Variants in PRMT7 observed in about 807,000 individuals in gnomAD.
PRMT7 encodes protein arginine methyltransferase 7, also known as protein arginine N-methyltransferase 7.
Under a neutral mutation model 85.4 loss-of-function variants are expected in PRMT7, and 75 were observed. That is an observed-to-expected ratio of 0.88 (90% CI 0.73 to 1.06). PRMT7 has a LOEUF of 1.06. Among genes scored for constraint, PRMT7 ranks in the 50% least tolerant of loss-of-function variants. The pLI is 0.00. For missense variants in PRMT7, 868 were observed against 915.2 expected (o/e 0.95, Z 0.67); for synonymous variants, 397 against 359.5 (o/e 1.10, Z -1.18).
At chr16:68,347,528 C>T in intron 12 of PRMT7, 103 bp from the exon 13 acceptor site, 1 of 1,302,848 alleles carries the variant, frequency 7.7e-7, no homozygotes, top group Middle Eastern at 1.8e-4. Flanking sequence ...GAGGGTTGTT[C>T]AGGTGTGTCC....
intron 7 of PRMT7, among the ~76,000 whole-genome samples, chr16:68,337,986 G>A (rs1173508043): frequency 6.6e-6 from 1 of 152,182 alleles, no homozygotes; most frequent in African/African-American, 2.4e-5. Context: ...TGGGAGGCAG[G>A]AGAGATGGGC....
At chr16:68,313,799 C>G (rs562874018) in intron 2 of PRMT7, among the ~76,000 whole-genome samples, 1 of 152,248 alleles carries the variant, frequency 6.6e-6, no homozygotes, top group South Asian at 2.1e-4. Context: ...AGCTGGGTGC[C>G]GTGGTGCATG....
Position 68,356,756 on chromosome 16 carries a change from T to C in PRMT7, c.1867T>C (p.Cys623Arg), listed in dbSNP as rs777140545. 6.2e-7 allele frequency: 1 copy of C among 1,611,106 alleles called. No individual in the cohort carries two copies. Among genetic ancestry groups the C allele is most frequent in the South Asian group, 1.1e-5 (1 of 90,860 alleles). ...LWMEYHLTPE[C>R]TLSTGLLEPA... is the part of the protein sequence containing the mutation. The stretch of plus-strand genomic sequence containing the variant: ...GATGGAGTACCACCTGACCCCGGAG[T>C]GCACGCTCAGCACTGGCCTCCTGGA... Residue 623 changes from cysteine (C) to arginine (R), a missense_variant, in exon 18 of 19, where the codon TGC (cysteine) becomes CGC (arginine). Cys to Arg is a radical substitution (Grantham distance 180). Transcript: ENST00000441236.
rs2086726894 is a variant in PRMT7, at chr16:68,348,405, A to G, written c.1387A>G (p.Thr463Ala). ...NIIEKRPELL[T>A]NEDLQGRKVS... The stretch of plus-strand genomic sequence containing the variant: ...CATAGAGAAACGGCCGGAATTATTA[A>G]CAAATGAGGACCTACAGGGCAGAAA... The change falls in exon 14 of 19, where the codon ACA becomes GCA. Residue 463 changes from threonine to alanine, a missense_variant. Transcript: ENST00000441236. The G allele has an allele frequency of 1.9e-6, 3 of 1,612,454 alleles. No homozygotes were observed. The Admixed American group carries it at 5.0e-5, about 27-fold the overall frequency.
At chr16:68,319,886 A>G (rs918639693) in intron 3 of PRMT7, among the ~76,000 whole-genome samples, 1 of 152,172 alleles carries the variant, frequency 6.6e-6, no homozygotes, top group Non-Finnish European at 1.5e-5. Flanking sequence ...CTGGGTGCTC[A>G]TCCCGACCCC....
At position 68,339,438 on chromosome 16, in the gene PRMT7, G is replaced by A. The variant is rs752753983; in HGVS notation, c.621G>A (p.Glu207=). 1.6e-5 allele frequency: 26 copies of A among 1,614,212 alleles called. No individual in the cohort carries two copies. Among genetic ancestry groups the A allele is most frequent in the East Asian group, 2.2e-5 (1 of 44,874 alleles). ...TCCACGTGCAGACCAGCCTCGGAGAGCAGGTCATCGTCCCTCCCGTTGACG... is the reference window on the plus strand; with the variant it reads ...TCCACGTGCAGACCAGCCTCGGAGAACAGGTCATCGTCCCTCCCGTTGACG... ...FPIHVQTSLG[E]QVIVPPVDVE... is the part of the protein sequence containing the mutation. The change falls in exon 8 of 19, where the codon GAG becomes GAA. Residue 207 remains glutamate (E), a synonymous_variant. Coordinates refer to ENST00000441236, the MANE Select transcript of PRMT7 (RefSeq NM_019023.5).
At chr16:68,324,605 G>A in intron 4 of PRMT7, 78 bp from the exon 5 acceptor site, 1 of 1,557,018 alleles carries the variant, frequency 6.4e-7, no homozygotes, top group Non-Finnish European at 8.8e-7. Context: ...ACTGCCAGCT[G>A]TGACTCTAGA....
chr16:68,345,978 G>T, intron 10 of PRMT7, 167 bp from the exon 11 acceptor site: 1 of 1,300,380 alleles, frequency 7.7e-7, no homozygotes, highest in Non-Finnish European at 1.1e-6. Flanking sequence ...AGGAGAGGCT[G>T]TCATGGGTTG....
chr16:68,359,488 C>T (rs2089103281), downstream of PRMT7: 2 of 152,754 alleles, frequency 1.3e-5, 1 homozygote, highest in South Asian at 4.1e-4. Context: ...CGCCAGGCTC[C>T]CTGGGCTCTG....
intron 5 of PRMT7, 132 bp from the exon 6 acceptor site, chr16:68,328,934 A>G (rs113882184): frequency 1.7e-6 from 1 of 602,564 alleles, no homozygotes; most frequent in Admixed American, 2.8e-5. Context: ...TTCATGATGC[A>G]CATTTGGAGA....
chr16:68,337,233 C>G (rs1264232661), intron 6 of PRMT7, among the ~76,000 whole-genome samples: 1 of 150,332 alleles, frequency 6.7e-6, no homozygotes, highest in Non-Finnish European at 1.5e-5. Context: ...ATCCCTTACC[C>G]TAGATTTATC....
At chr16:68,350,853 G>C (rs537489568) in intron 14 of PRMT7, among the ~76,000 whole-genome samples, 1 of 152,312 alleles carries the variant, frequency 6.6e-6, no homozygotes, top group Admixed American at 6.5e-5. Flanking sequence ...CTCTCATGTG[G>C]CTTCATGTTT....
At chr16:68,313,078 G>A (rs1360681810) in intron 2 of PRMT7, among the ~76,000 whole-genome samples, 1 of 152,204 alleles carries the variant, frequency 6.6e-6, no homozygotes, top group Admixed American at 6.5e-5. Flanking sequence ...ACCTGCTTTG[G>A]TCTCCCAAAG....
intron 14 of PRMT7, chr16:68,351,537 C>T (rs2087351656): frequency 6.6e-6 from 1 of 152,642 alleles, no homozygotes. Flanking sequence ...CGGGATGAGT[C>T]CAGCCCCTCA....
rs1433380294 is a variant in PRMT7, at chr16:68,358,417, T to TATC, written c.*1195_*1197dup. On this transcript the variant is annotated 3_prime_UTR_variant, in exon 19 of 19. Coordinates refer to ENST00000441236, the MANE Select transcript of PRMT7 (RefSeq NM_019023.5). ...GAACACCTCTCTTCGCAAAATATTTTATCAGGTGTAAAGACTTGTTTTTCT... is the reference window on the plus strand; with the variant it reads ...GAACACCTCTCTTCGCAAAATATTTTATCATCAGGTGTAAAGACTTGTTTTTCT... The TATC allele has an allele frequency of 6.5e-6, 1 of 152,728 alleles. No individual in the cohort carries two copies. Among genetic ancestry groups the TATC allele is most frequent in the African/African-American group, 2.4e-5 (1 of 41,468 alleles). 9.5% of individuals were successfully genotyped at this position (152,728 alleles called of 1,614,324 possible).
In PRMT7 at chr16:68,315,125, AAAG is replaced by A. The variant is rs1168755074; in HGVS notation, c.-83-769_-83-767del. 3.3e-5 allele frequency: 5 copies of A among 151,922 alleles called. No homozygotes were observed. The East Asian group carries it at 5.8e-4, about 18-fold the overall frequency. 9.4% of individuals were successfully genotyped at this position (151,922 alleles called of 1,614,324 possible). ...GACCCCATCTTTTAAAAAAAAAAAA[AAAG>A]AAAAAGAATGCTAATATCGTGAACA... On this transcript the variant is annotated intron_variant, in intron 2 of 18. Coordinates refer to ENST00000441236, the MANE Select transcript of PRMT7 (RefSeq NM_019023.5).
chr16:68,346,816 C>T (rs565611192), intron 11 of PRMT7, among the ~76,000 whole-genome samples: 1 of 152,104 alleles, frequency 6.6e-6, no homozygotes, highest in Non-Finnish European at 1.5e-5. Context: ...CTGAGTTTCT[C>T]TCAGAGGGGT....
Position 68,339,352 on chromosome 16 carries a change from A to G in PRMT7, c.535A>G (p.Thr179Ala), listed in dbSNP as rs1479285422. ...TTGTGAGGCCGTGCCCCACAGAGCC[A>G]CCGTCTATGCACAGCTGGTGGAGTC... ...ENCEAVPHRA[T>A]VYAQLVESGR... Residue 179 changes from threonine to alanine, a missense_variant, in exon 8 of 19, where the codon ACC becomes GCC. Transcript: ENST00000441236. The G allele has an allele frequency of 2.5e-6, 4 of 1,614,076 alleles. No homozygotes were observed. Among genetic ancestry groups the G allele is most frequent in the Admixed American group, 3.3e-5 (2 of 60,012 alleles).
chr16:68,328,231 T>C (rs899758306), intron 5 of PRMT7: 1 of 217,390 alleles, frequency 4.6e-6, no homozygotes, highest in South Asian at 4.4e-5. Context: ...AATCCTGCCC[T>C]CAGGTCAGAA....
Sources: allele counts gnomAD v4.1 joint callset (sites outside exome capture counted in the v4.1 genomes callset), GRCh38; gene constraint gnomAD v4.1.1; transcripts MANE v1.5; gene names NCBI Gene and HGNC (gene_info 2026-07-23, HGNC 2026-07-21).